TENM1: variants seen among roughly 807,000 people sequenced by gnomAD.
The protein encoded by TENM1 is teneurin transmembrane protein 1.
A neutral mutation model predicts 174.8 loss-of-function variants in TENM1; 35 were observed. That is an observed-to-expected ratio of 0.20 (90% CI 0.15 to 0.27). The LOEUF (loss-of-function observed/expected upper bound fraction) is 0.27, where lower values mean the gene tolerates loss of function less well. TENM1 is among the 10% of genes least tolerant of loss of function. The pLI is 1.00. For synonymous variants in TENM1, 781 were observed against 798.7 expected, an observed-to-expected ratio of 0.98 and a Z score of 0.37; for missense variants, 1,633 against 2,130.1, an observed-to-expected ratio of 0.77 and a Z score of 4.59.
intron 9 of TENM1, among the ~76,000 whole-genome samples, chrX:124,646,034 C>A (rs1458757908): frequency 8.9e-6 from 1 of 111,919 alleles, no homozygotes; most frequent in Non-Finnish European, 1.9e-5. Flanking sequence ...TCTGAGAAAC[C>A]TGATATTAAA....
intron 3 of TENM1, among the ~76,000 whole-genome samples, chrX:124,742,385 G>A (rs1217774688): frequency 9.0e-6 from 1 of 111,012 alleles, no homozygotes; most frequent in African/African-American, 3.3e-5. Flanking sequence ...TCTGAAAAAT[G>A]AGTTTGTTTT....
At chrX:124,970,807 A>G in the TENM1 span, among the ~76,000 whole-genome samples, 1 of 111,180 alleles carries the variant, frequency 9.0e-6, no homozygotes, top group Admixed American at 9.6e-5. Flanking sequence ...AAGGATTATA[A>G]ATCATGCTGC....
chrX:125,007,953 T>C, the TENM1 span, among the ~76,000 whole-genome samples: 1 of 111,373 alleles, frequency 9.0e-6, no homozygotes, highest in Non-Finnish European at 1.9e-5. Context: ...ACCAATGATG[T>C]TGTGAAGAAA....
chrX:124,477,028 T>C (rs1490430504), intron 22 of TENM1, among the ~76,000 whole-genome samples: 4 of 112,579 alleles, frequency 3.6e-5, no homozygotes, highest in Non-Finnish European at 3.7e-5. Flanking sequence ...CTGGATCAGA[T>C]AAAGACTTCC....
intron 3 of TENM1, among the ~76,000 whole-genome samples, chrX:124,881,478 T>G (rs958211066): frequency 9.0e-6 from 1 of 111,320 alleles, no homozygotes; most frequent in Non-Finnish European, 1.9e-5. Flanking sequence ...ACTTTTCATT[T>G]GTTGTTCCTT....
At chrX:124,603,893 G>A (rs1367286925) in intron 11 of TENM1, among the ~76,000 whole-genome samples, 1 of 111,181 alleles carries the variant, frequency 9.0e-6, no homozygotes, top group Non-Finnish European at 1.9e-5. Context: ...ATTAAGTAGG[G>A]ATGTTGTTTT....
At chrX:125,194,704 C>T in the TENM1 span, among the ~76,000 whole-genome samples, 1 of 111,651 alleles carries the variant, frequency 9.0e-6, no homozygotes, top group Admixed American at 9.5e-5. Flanking sequence ...GGAAATAAGA[C>T]GTTATCCCTG....
At chrX:125,010,844 T>G in the TENM1 span, among the ~76,000 whole-genome samples, 2 of 106,829 alleles carry the variant, frequency 1.9e-5, no homozygotes, top group African/African-American at 6.8e-5. Flanking sequence ...TTAAATTACA[T>G]GTGGAACCGA....
At chrX:124,920,022 C>T (rs2057994235) in intron 1 of TENM1, among the ~76,000 whole-genome samples, 1 of 110,924 alleles carries the variant, frequency 9.0e-6, no homozygotes, top group Non-Finnish European at 1.9e-5. Flanking sequence ...CGATGTCACA[C>T]TGGGGTAGAA....
intron 11 of TENM1, among the ~76,000 whole-genome samples, chrX:124,574,495 T>G (rs1312700198): frequency 9.0e-6 from 1 of 111,058 alleles, no homozygotes; most frequent in Non-Finnish European, 1.9e-5. Context: ...GATGTAAAAA[T>G]TCATAAAAAT....
At chrX:124,471,491 T>C (rs141323791) in intron 22 of TENM1, among the ~76,000 whole-genome samples, 213 of 11,878 alleles carry the variant, frequency 0.018, 1 homozygote, top group African/African-American at 0.047. Flanking sequence ...TAATATATAG[T>C]ATTATATAAT....
At chrX:124,451,829 C>T (rs1169442546) in intron 23 of TENM1, among the ~76,000 whole-genome samples, 7 of 111,932 alleles carry the variant, frequency 6.3e-5, no homozygotes, top group African/African-American at 2.0e-4. Context: ...ATGGAGAAAG[C>T]TGAAACTGGA....
intron 11 of TENM1, among the ~76,000 whole-genome samples, chrX:124,576,627 AACT>A (rs1294540928): frequency 8.9e-6 from 1 of 112,235 alleles, no homozygotes; most frequent in East Asian, 2.8e-4. Flanking sequence ...TCATTTATAA[AACT>A]ACTACTGGAA....
chrX:124,791,735 C>T (rs2055184665), intron 3 of TENM1, among the ~76,000 whole-genome samples: 1 of 111,378 alleles, frequency 9.0e-6, no homozygotes, highest in African/African-American at 3.3e-5. Flanking sequence ...ATTATGTGAC[C>T]CTGACAGGAT....
At chrX:124,588,534 G>T (rs1221398847) in intron 11 of TENM1, among the ~76,000 whole-genome samples, 1 of 105,753 alleles carries the variant, frequency 9.5e-6, no homozygotes, top group Non-Finnish European at 1.9e-5. Flanking sequence ...ACACTCTGGG[G>T]ACTGTTGTGG....
At chrX:124,941,420 G>C (rs1354061766) in intron 1 of TENM1, among the ~76,000 whole-genome samples, 1 of 111,236 alleles carries the variant, frequency 9.0e-6, no homozygotes, top group Non-Finnish European at 1.9e-5. Flanking sequence ...TCCTTTTCCT[G>C]TCAGTCATTT....
intron 3 of TENM1, among the ~76,000 whole-genome samples, chrX:124,893,895 G>A (rs1019913325): frequency 1.8e-5 from 2 of 111,416 alleles, no homozygotes; most frequent in African/African-American, 6.5e-5. Flanking sequence ...CCAACTGCTA[G>A]GCAACATCTG....
chrX:125,139,985 A>G, the TENM1 span, among the ~76,000 whole-genome samples: 1 of 111,005 alleles, frequency 9.0e-6, no homozygotes, highest in African/African-American at 3.3e-5. Flanking sequence ...GTGATTTTTA[A>G]AATACTTTCG....
intron 3 of TENM1, among the ~76,000 whole-genome samples, chrX:124,829,683 A>C (rs1414825947): frequency 8.9e-6 from 1 of 112,203 alleles, no homozygotes; most frequent in South Asian, 3.7e-4. Flanking sequence ...CCAAGGCAAC[A>C]AAAGGTAGTG....
Sources: allele counts gnomAD v4.1 joint callset (sites outside exome capture counted in the v4.1 genomes callset), GRCh38; gene constraint gnomAD v4.1.1; transcripts MANE v1.5; gene names NCBI Gene and HGNC (gene_info 2026-07-23, HGNC 2026-07-21).